The following ART3 variants were observed in gnomAD, a reference collection of about 807,000 sequenced individuals.
ART3 encodes the protein ADP-ribosyltransferase 3 (inactive).
In ART3, 49 loss-of-function variants were observed where a neutral mutation model predicts 48.5. That is an observed-to-expected ratio of 1.01 (90% CI 0.80 to 1.28). The LOEUF (loss-of-function observed/expected upper bound fraction) is 1.28, where lower values mean the gene tolerates loss of function less well. Ranked by LOEUF, ART3 falls within the 50% of genes most tolerant of loss-of-function variation. ART3 has a pLI of 0.00. For synonymous variants in ART3, 145 were observed against 157.2 expected (o/e 0.92, Z 0.58); for missense variants, 438 against 454.3 (o/e 0.96, Z 0.33).
chr4:76,107,657 C>G lies in ART3; in HGVS notation c.1004-104C>G, dbSNP rs1049759757. The G allele has an allele frequency of 5.5e-6, 4 of 721,216 alleles. No homozygotes were observed. In the Admixed American group the frequency reaches 1.1e-4, roughly 20 times the overall value. The allele number at this position is 721,216 out of a possible 1,614,324, so 44.7% of individuals were successfully genotyped here. A position where few individuals can be genotyped will look rare whatever the true frequency, so the allele number is the denominator to read the frequency against. On this transcript the variant is annotated intron_variant, in intron 10 of 11. Transcript: ENST00000355810. ...AAACCTATTACCCTGCCCCTCAGACCCACTCACAGAGATAACCAAGTTTGC... is the reference window on the plus strand; with the variant it reads ...AAACCTATTACCCTGCCCCTCAGACGCACTCACAGAGATAACCAAGTTTGC...
At chr4:76,023,329 A>G (rs1210658630) in intron 1 of ART3, 1 of 1,467,032 alleles carries the variant, frequency 6.8e-7, no homozygotes, top group Non-Finnish European at 9.6e-7. Context: ...ACCTATTCCT[A>G]TTTCTCATTT....
intron 1 of ART3, among the ~76,000 whole-genome samples, chr4:76,043,584 G>A (rs1018078479): frequency 2.6e-5 from 4 of 152,212 alleles, no homozygotes; most frequent in Admixed American, 6.5e-5. Flanking sequence ...TTCCGAGTGC[G>A]GGGCCCACCA....
chr4:76,019,743 C>A (rs532275973), intron 1 of ART3, among the ~76,000 whole-genome samples: 2 of 151,362 alleles, frequency 1.3e-5, no homozygotes, highest in Admixed American at 6.6e-5. Flanking sequence ...TGTGAGCCAC[C>A]GCGCCCGGCC....
chr4:76,038,978 C>T (rs1453902630), intron 1 of ART3, among the ~76,000 whole-genome samples: 2 of 152,172 alleles, frequency 1.3e-5, no homozygotes, highest in Admixed American at 6.5e-5. Flanking sequence ...CCGCCTTGGC[C>T]TCCCAAAGTG....
intron 1 of ART3, among the ~76,000 whole-genome samples, chr4:76,016,121 A>G (rs1732234393): frequency 2.0e-5 from 3 of 152,140 alleles, no homozygotes; most frequent in Non-Finnish European, 4.4e-5. Flanking sequence ...TTTTCACTGG[A>G]TATGCTATTC....
At chr4:76,109,639 A>G (rs142321130) in intron 11 of ART3, among the ~76,000 whole-genome samples, 40 of 152,302 alleles carry the variant, frequency 2.6e-4, no homozygotes, top group African/African-American at 9.1e-4. Context: ...TTACACCATC[A>G]TCACCCCAAA....
intron 1 of ART3, among the ~76,000 whole-genome samples, chr4:76,047,928 C>G (rs1478690487): frequency 6.6e-6 from 1 of 151,964 alleles, no homozygotes; most frequent in Non-Finnish European, 1.5e-5. Context: ...AAAACTTCCC[C>G]AGGTCTGCCT....
At chr4:76,107,655 A>T (rs553603888) in intron 10 of ART3, 106 bp from the exon 11 acceptor site, 6 of 708,604 alleles carry the variant, frequency 8.5e-6, no homozygotes, top group African/African-American at 1.9e-5. Context: ...TGCCCCTCAG[A>T]CCCACTCACA....
intron 1 of ART3, among the ~76,000 whole-genome samples, chr4:76,058,935 C>T (rs951038546): frequency 3.3e-5 from 5 of 152,080 alleles, no homozygotes; most frequent in Non-Finnish European, 2.9e-5. Flanking sequence ...AGGAAAGTGA[C>T]GTAGAGAAAA....
intron 1 of ART3, among the ~76,000 whole-genome samples, chr4:76,022,116 G>A (rs558488866): frequency 6.6e-6 from 1 of 152,262 alleles, no homozygotes; most frequent in African/African-American, 2.4e-5. Flanking sequence ...AAAGACTTGG[G>A]GAAAATGTTG....
At chr4:76,100,629 CAAAAAAAA>C (rs71659303) in intron 6 of ART3, among the ~76,000 whole-genome samples, 158 bp from the exon 7 acceptor site, 2 of 88,034 alleles carry the variant, frequency 2.3e-5, no homozygotes, top group Admixed American at 1.3e-4. Context: ...GGCTCCGTCT[CAAAAAAAA>C]AAAAAAAAAA....
At chr4:76,103,829 CTT>C (rs33952924) in intron 8 of ART3, 106 bp from the exon 9 acceptor site, 3,246 of 763,180 alleles carry the variant, frequency 4.3e-3, no homozygotes, top group South Asian at 7.0e-3. Flanking sequence ...TTCCCCCTGC[CTT>C]TTTTTTTTTT....
rs924659556 is a variant in ART3, at chr4:76,094,014, C to T, written c.782-3630C>T. 2.6e-5 allele frequency among the ~76,000 whole-genome samples: 4 copies of T among 152,102 alleles called. No homozygotes were observed. The South Asian group carries it at 6.2e-4, about 24-fold the overall frequency. ...TCATGAGGGCTGGGAGTACCCATGA[C>T]GGGGCTAATGTCCTTATAAGAAGAG... On this transcript the variant is annotated intron_variant, in intron 3 of 11. Transcript: ENST00000355810.
At position 76,075,865 on chromosome 4, in the gene ART3, C is replaced by T; in HGVS notation, c.-9-16C>T. On this transcript the variant is annotated splice_polypyrimidine_tract_variant and intron_variant, in intron 1 of 11. Transcript: ENST00000355810. ...TTTTGAGTCTACTGAATTGAAATTT[C>T]TTTATTTTAATTTAGAAGAGAAAAA... 6.3e-7 allele frequency: 1 copy of T among 1,595,368 alleles called. No homozygotes were observed. Among genetic ancestry groups the T allele is most frequent in the Admixed American group, 1.7e-5 (1 of 58,118 alleles).
In ART3 at chr4:76,030,458, CCTT is replaced by C. The variant is rs1445803617; in HGVS notation, c.-10+19145_-10+19147del. Among the ~76,000 whole-genome samples, 4 of 152,258 alleles carry C rather than the reference CCTT, an allele frequency of 2.6e-5. No homozygotes were observed. The East Asian group carries it at 7.7e-4, about 29-fold the overall frequency. On this transcript the variant is annotated intron_variant, in intron 1 of 9. Transcript: ENST00000341029. ...CTTACCAATACCACCTTAGTGTAGCCCTTCTTCTTTTTATGATAGTAAAATACA... is the reference window on the plus strand; with the variant it reads ...CTTACCAATACCACCTTAGTGTAGCCCTTCTTTTTATGATAGTAAAATACA...
intron 8 of ART3, among the ~76,000 whole-genome samples, chr4:76,101,794 A>G (rs1286301242): frequency 6.6e-6 from 1 of 152,242 alleles, no homozygotes; most frequent in Non-Finnish European, 1.5e-5. Context: ...ATACCGGGAC[A>G]GGAACAGTCT....
chr4:76,074,092 C>T (rs1560613386), upstream of ART3, among the ~76,000 whole-genome samples: 1 of 152,118 alleles, frequency 6.6e-6, no homozygotes, highest in African/African-American at 2.4e-5. Flanking sequence ...CTCAGCATTG[C>T]AGTCAGTATA....
intron 3 of ART3, among the ~76,000 whole-genome samples, chr4:76,091,965 G>A (rs1725006306): frequency 6.6e-6 from 1 of 152,184 alleles, no homozygotes; most frequent in Non-Finnish European, 1.5e-5. Flanking sequence ...TTATAGGTGT[G>A]AGCCACTGTG....
chr4:76,038,970 G>T (rs1037469680), intron 1 of ART3, among the ~76,000 whole-genome samples: 1 of 152,084 alleles, frequency 6.6e-6, no homozygotes, highest in Admixed American at 6.6e-5. Context: ...TGATCCTGCC[G>T]CCTTGGCCTC....
Sources: gnomAD v4.1 joint callset for allele counts (sites outside exome capture counted in the v4.1 genomes callset) on GRCh38, gnomAD v4.1.1 for gene constraint, MANE v1.5 for transcripts, NCBI Gene and HGNC (gene_info 2026-07-23, HGNC 2026-07-21) for gene names.